VRK2: variants seen among roughly 807,000 people sequenced by gnomAD.
The protein encoded by VRK2 is VRK serine/threonine kinase 2, also known as serine/threonine-protein kinase VRK2.
A neutral mutation model predicts 57.6 loss-of-function variants in VRK2; 60 were observed. That is an observed-to-expected ratio of 1.04 (90% CI 0.85 to 1.29). The LOEUF (loss-of-function observed/expected upper bound fraction) is 1.29. Among genes scored for constraint, VRK2 ranks in the 50% most tolerant of loss-of-function variants. The pLI is 0.00. For missense variants in VRK2, 705 were observed against 588.1 expected, an observed-to-expected ratio of 1.20 and a Z score of -2.06; for synonymous variants, 231 against 199.2, an observed-to-expected ratio of 1.16 and a Z score of -1.35.
At chr2:58,047,224 G>C (rs1572834962) in intron 1 of VRK2, 1 of 262,298 alleles carries the variant, frequency 3.8e-6, no homozygotes, top group East Asian at 1.8e-4. Context: ...GCTAAGGGCG[G>C]ACGGACCAGG....
Position 58,062,297 on chromosome 2 carries a change from A to G in VRK2, c.136+13330A>G, listed in dbSNP as rs181737729. Among the ~76,000 whole-genome samples the G allele has an allele frequency of 3.3e-5, 5 of 152,038 alleles. No individual in the cohort carries two copies. The East Asian group carries it at 9.7e-4, about 29-fold the overall frequency. Reference sequence around the variant, plus strand: ...ACCACTCACCAGCCATGCTCCCATCATTCTCCCTTTCCTCAGACCTCTCTA... The same window carrying G: ...ACCACTCACCAGCCATGCTCCCATCGTTCTCCCTTTCCTCAGACCTCTCTA... On this transcript the variant is annotated intron_variant, in intron 2 of 12. Transcript: ENST00000340157.
intron 1 of VRK2, among the ~76,000 whole-genome samples, chr2:57,933,845 A>C (rs748515896): frequency 1.1e-4 from 16 of 151,892 alleles, no homozygotes; most frequent in Non-Finnish European, 2.2e-4. Flanking sequence ...GTGATTTGAT[A>C]ATTTTCTTTA....
intron 1 of VRK2, among the ~76,000 whole-genome samples, chr2:58,012,696 T>C (rs1286339343): frequency 6.6e-6 from 1 of 152,224 alleles, no homozygotes; most frequent in African/African-American, 2.4e-5. Flanking sequence ...GGGCTCATTA[T>C]AAATAACAAA....
At position 58,084,127 on chromosome 2, in the gene VRK2, G is replaced by T. The variant is rs374084410; in HGVS notation, c.175G>T (p.Val59Leu). ...TNKPEKDARH[V>L]VKVEYQENGP... ...TAAACCAGAGAAAGATGCAAGACAT[G>T]TAGTAAAAGTGGTAAGTGTTGCTCA... Residue 59 changes from valine to leucine, a missense_variant, in exon 3 of 13, where the codon GTA becomes TTA. By Grantham distance (32) the Val-to-Leu change is conservative. Transcript: ENST00000340157. 3 of 1,606,598 alleles carry T rather than the reference G, an allele frequency of 1.9e-6. No individual in the cohort carries two copies. Among genetic ancestry groups the T allele is most frequent in the Non-Finnish European group, 2.6e-6 (3 of 1,175,518 alleles).
At chr2:58,105,439 G>T (rs1674588146) in intron 7 of VRK2, among the ~76,000 whole-genome samples, 1 of 151,672 alleles carries the variant, frequency 6.6e-6, no homozygotes, top group East Asian at 1.9e-4. Flanking sequence ...TAAATATATG[G>T]AAAAAATGCT....
Position 58,046,859 on chromosome 2 carries a change from C to G in VRK2, c.-15C>G. 1 of 985,436 alleles carries G rather than the reference C, an allele frequency of 1.0e-6. No homozygotes were observed. The highest frequency in any genetic ancestry group is 1.2e-6 in the Non-Finnish European group (1 of 829,914). 61.0% of individuals were successfully genotyped at this position (985,436 alleles called of 1,614,324 possible). A position where few individuals can be genotyped will look rare whatever the true frequency, so the allele number is the denominator to read the frequency against. On this transcript the variant is annotated 5_prime_UTR_variant, in exon 1 of 13. Coordinates refer to ENST00000340157, the MANE Select transcript of VRK2 (RefSeq NM_006296.7). The stretch of plus-strand genomic sequence containing the variant: ...GCGCGCGGCCCGGCGACGGGGGATC[C>G]TGAGGCCCGGTCAGTCTCTTGCTCT...
chr2:58,075,142 G>A (rs1271279245), intron 2 of VRK2, among the ~76,000 whole-genome samples: 2 of 152,068 alleles, frequency 1.3e-5, no homozygotes, highest in Non-Finnish European at 2.9e-5. Context: ...AGGACATGCA[G>A]TATCTAGTTT....
intron 3 of VRK2, among the ~76,000 whole-genome samples, chr2:58,037,978 C>T (rs1445026845): frequency 1.3e-5 from 2 of 152,098 alleles, no homozygotes; most frequent in Admixed American, 1.3e-4. Flanking sequence ...ATTCAACAAG[C>T]ATTTATTTCA....
intron 10 of VRK2, among the ~76,000 whole-genome samples, chr2:58,138,123 T>G (rs190518399): frequency 4.6e-5 from 7 of 152,300 alleles, no homozygotes; most frequent in Admixed American, 4.6e-4. Context: ...CTTCCTCATT[T>G]TGGATATTCT....
chr2:58,092,988 T>C (rs1379053816), intron 7 of VRK2, among the ~76,000 whole-genome samples: 1 of 152,228 alleles, frequency 6.6e-6, no homozygotes, highest in Non-Finnish European at 1.5e-5. Context: ...ACAAAGGACA[T>C]GAACTCATCC....
intron 1 of VRK2, among the ~76,000 whole-genome samples, chr2:58,004,074 T>G (rs1310085435): frequency 1.3e-5 from 2 of 152,154 alleles, no homozygotes; most frequent in Non-Finnish European, 2.9e-5. Flanking sequence ...TTTCTCAGAA[T>G]CCTGTGTTTA....
intron 1 of VRK2, among the ~76,000 whole-genome samples, chr2:57,964,692 C>G (rs1052077520): frequency 1.3e-5 from 2 of 151,942 alleles, no homozygotes; most frequent in Non-Finnish European, 2.9e-5. Context: ...GGGAGACCAG[C>G]CTGGCCAATA....
intron 8 of VRK2, among the ~76,000 whole-genome samples, chr2:58,125,784 A>C (rs1678253016): frequency 6.6e-6 from 1 of 152,078 alleles, no homozygotes; most frequent in Non-Finnish European, 1.5e-5. Flanking sequence ...ATATATAGAT[A>C]TATACACCCA....
chr2:57,961,623 A>ACCCC (rs10588765), intron 1 of VRK2, among the ~76,000 whole-genome samples: 15 of 95,872 alleles, frequency 1.6e-4, no homozygotes, highest in African/African-American at 4.8e-4. Flanking sequence ...CACTGTACCC[A>ACCCC]CCCCCCCCCC....
intron 1 of VRK2, among the ~76,000 whole-genome samples, chr2:57,935,571 T>C (rs1047619096): frequency 5.9e-5 from 9 of 152,126 alleles, no homozygotes; most frequent in African/African-American, 2.2e-4. Flanking sequence ...GGGGTGTCCC[T>C]TGTGGGTCCG....
intron 8 of VRK2, among the ~76,000 whole-genome samples, chr2:58,126,145 CAAAAA>C (rs879395569): frequency 1.0e-4 from 14 of 136,630 alleles, no homozygotes; most frequent in Non-Finnish European, 1.8e-4. Flanking sequence ...GTACAAAAAG[CAAAAA>C]AAAAAAAGTC....
intron 1 of VRK2, among the ~76,000 whole-genome samples, chr2:57,960,636 C>A (rs552972252): frequency 5.3e-5 from 8 of 152,312 alleles, no homozygotes; most frequent in Non-Finnish European, 1.0e-4. Flanking sequence ...GGTTCCAGAA[C>A]AGTGAACTCC....
chr2:57,965,815 T>A lies in VRK2; in HGVS notation c.-439+57976T>A, dbSNP rs139993074. ...ATCCAATATAGAGGCCCTGTCAGCA[T>A]TGTGACCAGCCAGACTTCATTGGTC... On this transcript the variant is annotated intron_variant, in intron 1 of 15. Transcript: ENST00000417641. Among the ~76,000 whole-genome samples, 153 of 152,270 alleles carry A rather than the reference T, an allele frequency of 1.0e-3. 2 individuals are homozygous for A. The highest frequency in any genetic ancestry group is 3.3e-3 in the African/African-American group (136 of 41,556).
At chr2:58,138,951 G>C (rs2104602601) in intron 10 of VRK2, among the ~76,000 whole-genome samples, 1 of 152,216 alleles carries the variant, frequency 6.6e-6, no homozygotes, top group Non-Finnish European at 1.5e-5. Context: ...AATTCTGTTT[G>C]TATTTAAAAG....
Sources: allele counts gnomAD v4.1 joint callset (sites outside exome capture counted in the v4.1 genomes callset), GRCh38; gene constraint gnomAD v4.1.1; transcripts MANE v1.5; gene names NCBI Gene and HGNC (gene_info 2026-07-23, HGNC 2026-07-21).